The following SMPDL3B variants were observed in gnomAD, a reference collection of about 807,000 sequenced individuals.
SMPDL3B encodes the protein acid sphingomyelinase-like phosphodiesterase 3b.
Under a neutral mutation model 37.9 loss-of-function variants are expected in SMPDL3B, and 31 were observed. The observed-to-expected ratio is 0.82, with a 90% CI of 0.61 to 1.10. The LOEUF is 1.10. Among genes scored for constraint, SMPDL3B ranks in the 50% least tolerant of loss-of-function variants. SMPDL3B has a pLI of 0.00. For missense variants in SMPDL3B, 525 were observed against 597.8 expected (o/e 0.88, Z 1.27); for synonymous variants, 235 against 242.6 (o/e 0.97, Z 0.29).
At chr1:27,951,540 A>G (rs1487435633) in intron 3 of SMPDL3B, among the ~76,000 whole-genome samples, 4 of 152,196 alleles carry the variant, frequency 2.6e-5, no homozygotes, top group African/African-American at 9.7e-5. Context: ...ACAGGCACGC[A>G]AGGCAAACAA....
rs2090401407 is a variant in SMPDL3B, at chr1:27,945,716, G to A, written c.275+271G>A. Among the ~76,000 whole-genome samples, 1 of 152,148 alleles carries A rather than the reference G, an allele frequency of 6.6e-6. No homozygotes were observed. Among genetic ancestry groups the A allele is most frequent in the African/African-American group, 2.4e-5 (1 of 41,434 alleles). On this transcript the variant is annotated intron_variant, in intron 2 of 7. Coordinates refer to ENST00000373894, the MANE Select transcript of SMPDL3B (RefSeq NM_014474.4). This position sits in a 1 kb window ranked among gnomAD's most constrained non-coding sequence, Gnocchi z 4.0. ...TTTGGACGTGGTCCTGGCATGCCTG[G>A]GCACCCGGAGAGTGTCCAGGTTTTA... is the stretch of plus-strand genomic sequence containing the variant.
chr1:27,957,597 T>G (rs1638328926), intron 7 of SMPDL3B, among the ~76,000 whole-genome samples: 2 of 152,232 alleles, frequency 1.3e-5, no homozygotes, highest in Non-Finnish European at 2.9e-5. Context: ...AACGACTGCA[T>G]GAGCTAACCC....
At chr1:27,947,224 C>T (rs10902680) in intron 2 of SMPDL3B, among the ~76,000 whole-genome samples, 93,583 of 151,002 alleles carry the variant, frequency 0.62, 29,017 homozygotes, top group South Asian at 0.77. Context: ...TTATTAGAGA[C>T]AAGGTTTCTC....
At position 27,945,501 on chromosome 1, in the gene SMPDL3B, T is replaced by A; in HGVS notation, c.275+56T>A. On this transcript the variant is annotated intron_variant, in intron 2 of 7. Coordinates refer to ENST00000373894, the MANE Select transcript of SMPDL3B (RefSeq NM_014474.4). The surrounding 1 kb of genome is among the most constrained non-coding windows in gnomAD (Gnocchi z 4.0). ...TGCCAGGCATCTGCTATGTGCTACA[T>A]ACCAGTCTGGCCCTTTGCCCACATT... 2 of 1,403,702 alleles carry A rather than the reference T, an allele frequency of 1.4e-6. No homozygotes were observed. Among genetic ancestry groups the A allele is most frequent in the Non-Finnish European group, 2.0e-6 (2 of 994,462 alleles). The allele number at this position is 1,403,702 out of a possible 1,614,324, so 87.0% of individuals were successfully genotyped here. A position where few individuals can be genotyped will look rare whatever the true frequency, so the allele number is the denominator to read the frequency against.
Position 27,958,434 on chromosome 1 carries a change from G to T in SMPDL3B, c.1006-42G>T. The T allele has an allele frequency of 6.4e-7, 1 of 1,557,224 alleles. No individual in the cohort carries two copies. Among genetic ancestry groups the T allele is most frequent in the Non-Finnish European group, 8.7e-7 (1 of 1,146,742 alleles). On this transcript the variant is annotated intron_variant, in intron 7 of 7. Coordinates refer to ENST00000373894, the MANE Select transcript of SMPDL3B (RefSeq NM_014474.4). This position sits in a 1 kb window ranked among gnomAD's most constrained non-coding sequence, Gnocchi z 5.6. The stretch of plus-strand genomic sequence containing the variant: ...AAGGTGCAGGATGGGGATGGAAGCA[G>T]ACAACTGCTCACAGCCGGTCTACCC...
In SMPDL3B at chr1:27,945,115, G is replaced by A. The variant is rs1557493722; in HGVS notation, c.62-117G>A. ...TTTCTCTGAACCCGGGGTGCTCAGAGAAGACTTCCATTTGCCTGTGTAACG... is the reference window on the plus strand; with the variant it reads ...TTTCTCTGAACCCGGGGTGCTCAGAAAAGACTTCCATTTGCCTGTGTAACG... On this transcript the variant is annotated intron_variant, in intron 1 of 7. Transcript: ENST00000373894. This position sits in a 1 kb window ranked among gnomAD's most constrained non-coding sequence, Gnocchi z 4.0. 1 of 909,020 alleles carries A rather than the reference G, an allele frequency of 1.1e-6. No homozygotes were observed. Among genetic ancestry groups the A allele is most frequent in the Non-Finnish European group, 1.7e-6 (1 of 575,670 alleles). 56.3% of individuals were successfully genotyped at this position (909,020 alleles called of 1,614,324 possible).
chr1:27,958,747 C>A lies in SMPDL3B; in HGVS notation c.1277C>A (p.Thr426Asn), dbSNP rs1406049735. The A allele has an allele frequency of 1.2e-6, 2 of 1,613,510 alleles. No homozygotes were observed. Among genetic ancestry groups the A allele is most frequent in the African/African-American group, 2.7e-5 (2 of 74,956 alleles). The change falls in exon 8 of 8, where the codon ACC becomes AAC. Residue 426 changes from threonine to asparagine, a missense_variant. Coordinates refer to ENST00000373894, the MANE Select transcript of SMPDL3B (RefSeq NM_014474.4). This position sits in a 1 kb window ranked among gnomAD's most constrained non-coding sequence, Gnocchi z 5.6. Reference protein sequence around the residue: ...AMRQVDIDAYTTCLYASGTTP... With the variant: ...AMRQVDIDAYNTCLYASGTTP... ...CGCCAGGTGGACATTGACGCTTACA[C>A]CACCTGTCTGTATGCCTCTGGCACC...
At chr1:27,955,915 G>T in intron 6 of SMPDL3B, 34 bp from the exon 7 acceptor site, 2 of 1,613,228 alleles carry the variant, frequency 1.2e-6, no homozygotes, top group Non-Finnish European at 1.7e-6. Flanking sequence ...TCTCTCCCCA[G>T]ACCCGCTCAG....
chr1:27,936,308 C>G (rs891818842), intron 1 of SMPDL3B, among the ~76,000 whole-genome samples: 4 of 151,914 alleles, frequency 2.6e-5, no homozygotes, highest in Admixed American at 2.6e-4. Context: ...CAAAAATTAG[C>G]TGGGTGTGGT....
At chr1:27,935,670 A>C (rs2090301107) in intron 1 of SMPDL3B, among the ~76,000 whole-genome samples, 1 of 152,210 alleles carries the variant, frequency 6.6e-6, no homozygotes, top group South Asian at 2.1e-4. Context: ...CACACGAACA[A>C]GTAAAGTACG....
intron 4 of SMPDL3B, among the ~76,000 whole-genome samples, chr1:27,953,675 C>A (rs147578746): frequency 3.9e-5 from 6 of 152,330 alleles, no homozygotes; most frequent in African/African-American, 9.6e-5. Context: ...GGTTTCATTT[C>A]CAGCAGGTTT....
chr1:27,950,204 G>A (rs185228263), intron 3 of SMPDL3B, among the ~76,000 whole-genome samples: 4 of 152,268 alleles, frequency 2.6e-5, no homozygotes, highest in Admixed American at 2.6e-4. Context: ...ATGCTTCCAG[G>A]TTATCTAACC....
At chr1:27,943,151 A>T (rs924637594) in intron 1 of SMPDL3B, among the ~76,000 whole-genome samples, 1 of 152,210 alleles carries the variant, frequency 6.6e-6, no homozygotes, top group Admixed American at 6.5e-5. Context: ...GAGGGATTGG[A>T]GCCCAGAGAT....
At chr1:27,938,506 C>T (rs1334961955) in intron 1 of SMPDL3B, among the ~76,000 whole-genome samples, 1 of 152,196 alleles carries the variant, frequency 6.6e-6, no homozygotes, top group Non-Finnish European at 1.5e-5. Context: ...CTTTATTTTA[C>T]TGTTTATAAA....
chr1:27,953,409 T>A, intron 4 of SMPDL3B, 51 bp downstream of exon 4: 1 of 1,496,018 alleles, frequency 6.7e-7, no homozygotes, highest in Non-Finnish European at 9.1e-7. Context: ...TGCCAGGGTC[T>A]GATCTTCGTC....
intron 6 of SMPDL3B, 29 bp from the exon 7 acceptor site, chr1:27,955,920 G>A (rs772794216): frequency 1.5e-5 from 25 of 1,613,098 alleles, no homozygotes; most frequent in Admixed American, 1.0e-4. Flanking sequence ...CCCCAGACCC[G>A]CTCAGTCCTG....
In SMPDL3B at chr1:27,956,474, C is replaced by T. The variant is rs549648011; in HGVS notation, c.1005+392C>T. On this transcript the variant is annotated intron_variant, in intron 7 of 7. Coordinates refer to ENST00000373894, the MANE Select transcript of SMPDL3B (RefSeq NM_014474.4). The stretch of plus-strand genomic sequence containing the variant: ...TCAAGATAAAGTTGTGTCTCCTTGA[C>T]CTAGTACTCAAGGCTTCCCACAGTC... 12 of 1,199,682 alleles carry T rather than the reference C, an allele frequency of 1.0e-5. No individual in the cohort carries two copies. The South Asian group carries it at 2.4e-4, about 24-fold the overall frequency. 74.3% of individuals were successfully genotyped at this position (1,199,682 alleles called of 1,614,324 possible).
At chr1:27,940,160 G>A (rs1006984174) in intron 1 of SMPDL3B, among the ~76,000 whole-genome samples, 8 of 152,132 alleles carry the variant, frequency 5.3e-5, no homozygotes, top group Admixed American at 1.3e-4. Context: ...AGGAGGAGGC[G>A]GGCCAGGACA....
In SMPDL3B at chr1:27,958,205, T is replaced by C. The variant is rs1289063541; in HGVS notation, c.1006-271T>C. On this transcript the variant is annotated intron_variant, in intron 7 of 7. Coordinates refer to ENST00000373894, the MANE Select transcript of SMPDL3B (RefSeq NM_014474.4). This position sits in a 1 kb window ranked among gnomAD's most constrained non-coding sequence, Gnocchi z 5.6. ...GGGGTCCAATCCTGCTACCACTGAATACCTGTATGAATACCTGTATGACCC... is the reference window on the plus strand; with the variant it reads ...GGGGTCCAATCCTGCTACCACTGAACACCTGTATGAATACCTGTATGACCC... 6.6e-6 allele frequency among the ~76,000 whole-genome samples: 1 copy of C among 152,234 alleles called. No individual in the cohort carries two copies. The highest frequency in any genetic ancestry group is 1.5e-5 in the Non-Finnish European group (1 of 68,030).
Sources: gnomAD v4.1 joint callset for allele counts (sites outside exome capture counted in the v4.1 genomes callset) on GRCh38, gnomAD v4.1.1 for gene constraint, Gnocchi (gnomAD v3.1) non-coding constraint, MANE v1.5 for transcripts, NCBI Gene and HGNC (gene_info 2026-07-23, HGNC 2026-07-21) for gene names.